The following IGFALS variants were observed in gnomAD, a reference collection of about 807,000 sequenced individuals.
IGFALS encodes insulin like growth factor binding protein acid labile subunit, also known as insulin-like growth factor-binding protein complex acid labile subunit.
Under a neutral mutation model 2.6 loss-of-function variants are expected in IGFALS, and 2 were observed. The ratio of observed to expected loss-of-function variants is 0.77; its 90% CI spans 0.32 to 2.44. The LOEUF is 2.44. IGFALS is among the 30% of genes most tolerant of loss of function. IGFALS has a pLI of 0.11. For synonymous variants in IGFALS, 519 were observed against 431.9 expected (o/e 1.20, Z -2.50); for missense variants, 996 against 848.7 (o/e 1.17, Z -2.16).
In IGFALS at chr16:1,792,448, C is replaced by G. The variant is rs770367091; in HGVS notation, c.17-47G>C. ...GAGGCGGCCCGAGGAGGGCTCTGCC[C>G]GAGTGAGCCTGATACCAGCACAGCC... is the stretch of plus-strand genomic sequence containing the variant. On this transcript the variant is annotated intron_variant, in intron 1 of 1. Coordinates refer to ENST00000215539, the MANE Select transcript of IGFALS (RefSeq NM_004970.3). The G allele has an allele frequency of 5.3e-6, 8 of 1,497,354 alleles. No individual in the cohort carries two copies. In the African/African-American group the frequency reaches 5.6e-5, roughly 10 times the overall value. The allele number at this position is 1,497,354 out of a possible 1,614,324, so 92.8% of individuals were successfully genotyped here.
Position 1,790,413 on chromosome 16 carries a change from T to G in IGFALS, c.*187A>C. On this transcript the variant is annotated 3_prime_UTR_variant, in exon 2 of 2. Transcript: ENST00000215539. ...CGTTCGCAGTCACCCACTGTGCCTG[T>G]TAGATTCGATTGCCTTTGCCTTTAA... 3.1e-6 allele frequency: 2 copies of G among 651,800 alleles called. No homozygotes were observed. Among genetic ancestry groups the G allele is most frequent in the Non-Finnish European group, 2.8e-6 (1 of 356,792 alleles). 40.4% of individuals were successfully genotyped at this position (651,800 alleles called of 1,614,324 possible).
At position 1,791,563 on chromosome 16, in the gene IGFALS, C is replaced by A. The variant is rs779959737; in HGVS notation, c.855G>T (p.Thr285=). ...HNRVAGLLED[T]FPGLLGLRVL... ...CACGCAGGCCCAGCAGACCGGGGAA[C>A]GTGTCCTCCAGGAGGCCAGCCACGC... The change falls in exon 2 of 2, where the codon ACG becomes ACT. Residue 285 remains threonine (T), a synonymous_variant. Coordinates refer to ENST00000215539, the MANE Select transcript of IGFALS (RefSeq NM_004970.3). 1 of 1,568,162 alleles carries A rather than the reference C, an allele frequency of 6.4e-7. No individual in the cohort carries two copies. The highest frequency in any genetic ancestry group is 1.2e-5 in the South Asian group (1 of 86,194).
At chr16:1,792,624 G>T in intron 1 of IGFALS, 1 of 774,078 alleles carries the variant, frequency 1.3e-6, no homozygotes, top group South Asian at 2.9e-5. Flanking sequence ...CCGCTGCACA[G>T]ACGCTCAGGG....
At chr16:1,794,055 C>T (rs966830813), upstream of IGFALS, among the ~76,000 whole-genome samples, 2 of 152,070 alleles carry the variant, frequency 1.3e-5, no homozygotes, top group South Asian at 2.1e-4. Flanking sequence ...GGTCCTGTTG[C>T]GGGCAGGGGG....
intron 1 of IGFALS, among the ~76,000 whole-genome samples, chr16:1,793,411 T>C (rs1183859648): frequency 3.3e-5 from 5 of 151,988 alleles, no homozygotes; most frequent in Non-Finnish European, 5.9e-5. Context: ...CCAGCGCCCT[T>C]AGGGTGGAGG....
chr16:1,790,986 G>A lies in IGFALS; in HGVS notation c.1432C>T (p.Leu478=). 1 of 1,597,336 alleles carries A rather than the reference G, an allele frequency of 6.3e-7. No individual in the cohort carries two copies. Among genetic ancestry groups the A allele is most frequent in the East Asian group, 2.2e-5 (1 of 44,822 alleles). The change falls in exon 2 of 2, where the codon CTG becomes TTG. Residue 478 remains leucine (L), a synonymous_variant. Coordinates refer to ENST00000215539, the MANE Select transcript of IGFALS (RefSeq NM_004970.3). ...CAGAAGGCCCGCTGCAGGGGGCCCA[G>A]GGCGTCCGCCGGCAGCTCTGCCAGG... ...NRLAELPADA[L]GPLQRAFWLD... is the part of the protein sequence containing the mutation.
chr16:1,792,137 A>C lies in IGFALS; in HGVS notation c.281T>G (p.Phe94Cys). Reference protein sequence around the residue: ...NNLSSVPPAAFQNLSSLGFLN... With the variant: ...NNLSSVPPAACQNLSSLGFLN... ...GAAGCCCAGGCTGGAGAGGTTCTGG[A>C]AGGCTGCCGGGGGGACGGACGAGAG... The change falls in exon 2 of 2, where the codon TTC becomes TGC. Residue 94 changes from phenylalanine (F) to cysteine (C), a missense_variant. Coordinates refer to ENST00000215539, the MANE Select transcript of IGFALS (RefSeq NM_004970.3). 7 of 1,611,556 alleles carry C rather than the reference A, an allele frequency of 4.3e-6. No individual in the cohort carries two copies. The highest frequency in any genetic ancestry group is 5.9e-6 in the Non-Finnish European group (7 of 1,179,678).
Position 1,792,067 on chromosome 16 carries a change from C to T in IGFALS, c.351G>A (p.Ala117=), listed in dbSNP as rs761029886. 33 of 1,609,868 alleles carry T rather than the reference C, an allele frequency of 2.0e-5. No individual in the cohort carries two copies. In the East Asian group the frequency reaches 2.7e-4, roughly 13 times the overall value. The change falls in exon 2 of 2, where the codon GCG becomes GCA. Residue 117 remains alanine (A), a synonymous_variant. Transcript: ENST00000215539. The part of the protein sequence containing the change: ...GGQLGSLEPQ[A]LLGLENLCHL... ...GGCACAGGTTCTCTAGGCCCAGCAGCGCCTGTGGCTCCAGGCTGCCCAGCT... is the reference window on the plus strand; with the variant it reads ...GGCACAGGTTCTCTAGGCCCAGCAGTGCCTGTGGCTCCAGGCTGCCCAGCT...
Position 1,791,971 on chromosome 16 carries a change from G to T in IGFALS, c.447C>A (p.Ala149=). ...GACGGTTGTTGCTGAGGCCGAGCGA[G>T]GCCAGCGCGGGCGTGTGTGCAAACG... ...LGTFAHTPAL[A]SLGLSNNRLS... Residue 149 remains alanine (A), a synonymous_variant, in exon 2 of 2, where the codon GCC becomes GCA. Coordinates refer to ENST00000215539, the MANE Select transcript of IGFALS (RefSeq NM_004970.3). 6.2e-7 allele frequency: 1 copy of T among 1,602,346 alleles called. No individual in the cohort carries two copies.
rs1171398971 is a variant in IGFALS at position 1,792,232 on chromosome 16, G to T, written c.186C>A (p.Ser62=). ...CATCAGGCAGGCGCGTGAGGTTCCTGGAGCTGCAGAAGACGCTGAGCTCAT... is the reference window on the plus strand; with the variant it reads ...CATCAGGCAGGCGCGTGAGGTTCCTTGAGCTGCAGAAGACGCTGAGCTCAT... ...DADELSVFCS[S]RNLTRLPDGV... is the part of the protein sequence containing the mutation. Residue 62 remains serine, a synonymous_variant, in exon 2 of 2, where the codon TCC becomes TCA. Coordinates refer to ENST00000215539, the MANE Select transcript of IGFALS (RefSeq NM_004970.3). 5.6e-6 allele frequency: 9 copies of T among 1,605,906 alleles called. No individual in the cohort carries two copies. The African/African-American group carries it at 1.1e-4, about 19-fold the overall frequency.
At chr16:1,794,012 T>C (rs9923608), upstream of IGFALS, among the ~76,000 whole-genome samples, 31,859 of 152,156 alleles carry the variant, frequency 0.21, 5,554 homozygotes, top group African/African-American at 0.47. Flanking sequence ...GGCTGGGGCT[T>C]GAGGCCGGTT....
In IGFALS at chr16:1,792,398, C is replaced by T; in HGVS notation, c.20G>A (p.Gly7Asp). ...CAGCAGCAGCAGCGCCAGGGCCAGGCCTCCTGCGGGGGGAGAGGCTTGGGG... is the reference window on the plus strand; with the variant it reads ...CAGCAGCAGCAGCGCCAGGGCCAGGTCTCCTGCGGGGGGAGAGGCTTGGGG... MALRKGGLALALLLLSW... is the reference protein window; with the variant it reads MALRKGDLALALLLLSW... The change falls in exon 2 of 2, where the codon GGC (glycine) becomes GAC (aspartate). Residue 7 changes from glycine (G) to aspartate (D), a missense_variant. Physicochemically the swap from Gly to Asp is moderately conservative, Grantham distance 94. Transcript: ENST00000215539. 6.4e-7 allele frequency: 1 copy of T among 1,565,448 alleles called. No homozygotes were observed. The highest frequency in any genetic ancestry group is 1.2e-5 in the South Asian group (1 of 86,476).
chr16:1,794,502 G>A (rs935486842), upstream of IGFALS, among the ~76,000 whole-genome samples: 2 of 152,170 alleles, frequency 1.3e-5, no homozygotes, highest in Non-Finnish European at 2.9e-5. Context: ...CACCGCTTGT[G>A]TGCAGAGAGG....
At position 1,790,511 on chromosome 16, in the gene IGFALS, G is replaced by A; in HGVS notation, c.*89C>T. 8.8e-7 allele frequency: 1 copy of A among 1,141,284 alleles called. No individual in the cohort carries two copies. The highest frequency in any genetic ancestry group is 2.0e-5 in the Admixed American group (1 of 50,468). The allele number at this position is 1,141,284 out of a possible 1,614,324, so 70.7% of individuals were successfully genotyped here. A position where few individuals can be genotyped will look rare whatever the true frequency, so the allele number is the denominator to read the frequency against. ...TTGCGTCTTCCAGCAAGTGCACTGG[G>A]CAGGCCCCTGAGGACACTGAGGACC... On this transcript the variant is annotated 3_prime_UTR_variant, in exon 2 of 2. Transcript: ENST00000215539.
Position 1,790,848 on chromosome 16 carries a change from G to A in IGFALS, c.1570C>T (p.Gln524Ter), listed in dbSNP as rs776951879. ...RNNSLRTFTP[Q>*]PPGLERLWLE... ...CACAGGCGCTCCAGGCCCGGGGGCT[G>A]CGGCGTGAAGGTCCGCAGTGAGTTG... Residue 524 changes from glutamine to a stop codon, truncating the protein, a stop_gained, in exon 2 of 2, where the codon CAG becomes TAG. Transcript: ENST00000215539. LOFTEE classifies it low-confidence loss of function (END_TRUNC). 5 of 1,566,260 alleles carry A rather than the reference G, an allele frequency of 3.2e-6. No homozygotes were observed. In the Admixed American group the frequency reaches 7.6e-5, roughly 24 times the overall value.
intron 1 of IGFALS, among the ~76,000 whole-genome samples, chr16:1,793,255 G>A (rs572127118): frequency 6.6e-6 from 1 of 152,130 alleles, no homozygotes; most frequent in Non-Finnish European, 1.5e-5. Context: ...AGCTGCAAGG[G>A]GTCACCCCAC....
upstream of IGFALS, among the ~76,000 whole-genome samples, chr16:1,794,603 T>G (rs1177558446): frequency 6.6e-6 from 1 of 152,020 alleles, no homozygotes; most frequent in East Asian, 1.9e-4. Flanking sequence ...CTCCACCTGC[T>G]CAAACCACTT....
Position 1,790,882 on chromosome 16 carries a change from G to T in IGFALS, c.1536C>A (p.Ser512Arg). ...LAPLGRLRYLSLRNNSLRTFT... is the reference protein window; with the variant it reads ...LAPLGRLRYLRLRNNSLRTFT... ...AGGTCCGCAGTGAGTTGTTCCTGAG[G>T]CTGAGGTAGCGCAGCCGCCCCAGTG... The change falls in exon 2 of 2, where the codon AGC becomes AGA. Residue 512 changes from serine (S) to arginine (R), a missense_variant. Physicochemically the swap from Ser to Arg is moderately radical, Grantham distance 110. Coordinates refer to ENST00000215539, the MANE Select transcript of IGFALS (RefSeq NM_004970.3). 3 of 1,571,186 alleles carry T rather than the reference G, an allele frequency of 1.9e-6. No homozygotes were observed. Among genetic ancestry groups the T allele is most frequent in the Non-Finnish European group, 2.6e-6 (3 of 1,161,530 alleles).
chr16:1,791,067 G>A lies in IGFALS; in HGVS notation c.1351C>T (p.His451Tyr), dbSNP rs780650874. ...LTSNQLTHLP[H>Y]RLFQGLGKLE... The stretch of plus-strand genomic sequence containing the variant: ...TTGCCCAGGCCCTGGAAGAGGCGGT[G>A]GGGCAGGTGCGTGAGCTGGTTGGAG... Residue 451 changes from histidine to tyrosine, a missense_variant, in exon 2 of 2, where the codon CAC becomes TAC. Transcript: ENST00000215539. 9 of 1,598,448 alleles carry A rather than the reference G, an allele frequency of 5.6e-6. No individual in the cohort carries two copies. Among genetic ancestry groups the A allele is most frequent in the African/African-American group, 1.3e-5 (1 of 74,826 alleles).
Sources: allele counts gnomAD v4.1 joint callset (sites outside exome capture counted in the v4.1 genomes callset), GRCh38; gene constraint gnomAD v4.1.1; transcripts MANE v1.5; gene names NCBI Gene and HGNC (gene_info 2026-07-23, HGNC 2026-07-21).